CEP120: variants seen among roughly 807,000 people sequenced by gnomAD.
CEP120 encodes the protein centrosomal protein of 120 kDa.
A neutral mutation model predicts 126.5 loss-of-function variants in CEP120; 113 were observed. The observed-to-expected ratio is 0.89, with a 90% confidence interval of 0.77 to 1.04. The LOEUF is 1.04. CEP120 is among the 50% of genes least tolerant of loss of function. The probability of loss-of-function intolerance (pLI) is 0.00; values close to 1 mark genes in which losing one functional copy is unlikely to be tolerated. For missense variants in CEP120, 1,230 were observed against 1,155.7 expected (o/e 1.06, Z -0.93); for synonymous variants, 400 against 394.3 (o/e 1.01, Z -0.17).
intron 17 of CEP120, among the ~76,000 whole-genome samples, chr5:123,367,128 G>C (rs868070415): frequency 2.6e-5 from 4 of 151,636 alleles, no homozygotes; most frequent in African/African-American, 9.7e-5. Context: ...ATTACTTTAC[G>C]AACTCTTTAA....
At chr5:123,402,094 T>G in intron 4 of CEP120, 5 of 1,569,508 alleles carry the variant, frequency 3.2e-6, no homozygotes, top group Non-Finnish European at 4.4e-6. Flanking sequence ...ACAGCCTGGA[T>G]GTCGGGGTCC....
intron 4 of CEP120, among the ~76,000 whole-genome samples, chr5:123,410,352 AT>A (rs1773971103): frequency 6.6e-6 from 1 of 152,224 alleles, no homozygotes; most frequent in South Asian, 2.1e-4. Context: ...TTAAGTTTAT[AT>A]GGAGAAGCAA....
intron 18 of CEP120, among the ~76,000 whole-genome samples, chr5:123,354,750 T>C (rs1769450186): frequency 6.7e-6 from 1 of 148,674 alleles, no homozygotes; most frequent in South Asian, 2.1e-4. Flanking sequence ...TATATTTTCC[T>C]TCTGTTAGAA....
At chr5:123,414,390 T>C (rs1289125028) in intron 3 of CEP120, among the ~76,000 whole-genome samples, 2 of 152,234 alleles carry the variant, frequency 1.3e-5, no homozygotes, top group East Asian at 3.8e-4. Flanking sequence ...TTTTTAAATT[T>C]CAGTTTCTTT....
intron 1 of CEP120, among the ~76,000 whole-genome samples, chr5:123,419,075 C>T (rs139264211): frequency 1.3e-3 from 205 of 152,298 alleles, no homozygotes; most frequent in African/African-American, 4.5e-3. Flanking sequence ...CCTAGGGACC[C>T]TGTTAAAATG....
chr5:123,419,505 C>T (rs991530749), intron 1 of CEP120, among the ~76,000 whole-genome samples: 1 of 149,196 alleles, frequency 6.7e-6, no homozygotes, highest in Non-Finnish European at 1.5e-5. Flanking sequence ...GCACTCCAGC[C>T]TGGGCAACAG....
chr5:123,415,174 G>A (rs770680311), intron 3 of CEP120, among the ~76,000 whole-genome samples: 1 of 152,076 alleles, frequency 6.6e-6, no homozygotes, highest in African/African-American at 2.4e-5. Context: ...CAAGGAGCAG[G>A]AAGCAGGGAG....
rs572998346 is a variant in CEP120 at position 123,422,334 on chromosome 5, T to C, written c.49+616A>G. ...TTAGGGTCTTCCACATCCTGATGAA[T>C]TATTTGCTGACACACTCTCCTTGCT... On this transcript the variant is annotated intron_variant, in intron 1 of 19. Coordinates refer to ENST00000306467, the MANE Select transcript of CEP120 (RefSeq NM_001375405.1). 4.9e-6 allele frequency: 3 copies of C among 617,574 alleles called. No homozygotes were observed. In the East Asian group the frequency reaches 8.5e-5, roughly 18 times the overall value. 38.3% of individuals were successfully genotyped at this position (617,574 alleles called of 1,614,324 possible).
intron 5 of CEP120, among the ~76,000 whole-genome samples, chr5:123,394,943 A>G (rs553129659): frequency 1.3e-5 from 2 of 152,352 alleles, no homozygotes; most frequent in East Asian, 3.9e-4. Flanking sequence ...TGGAAGGATT[A>G]AAAGAGATAC....
At chr5:123,363,577 C>T (rs1172820427) in intron 18 of CEP120, among the ~76,000 whole-genome samples, 1 of 151,432 alleles carries the variant, frequency 6.6e-6, no homozygotes, top group Non-Finnish European at 1.5e-5. Flanking sequence ...TATATATCTA[C>T]CTGTCTTCAT....
At chr5:123,354,777 T>G in intron 18 of CEP120, among the ~76,000 whole-genome samples, 1 of 12,902 alleles carries the variant, frequency 7.8e-5, no homozygotes, top group African/African-American at 3.7e-4. Context: ...CATCCTATGT[T>G]TTTTTTTTAA....
chr5:123,414,475 T>C lies in CEP120; in HGVS notation c.321+1535A>G, dbSNP rs536824959. Among the ~76,000 whole-genome samples, 407 of 152,270 alleles carry C rather than the reference T, an allele frequency of 2.7e-3. 3 individuals carry two copies. Among genetic ancestry groups the C allele is most frequent in the African/African-American group, 9.5e-3 (393 of 41,550 alleles). On this transcript the variant is annotated intron_variant, in intron 3 of 19. Coordinates refer to ENST00000306467, the MANE Select transcript of CEP120 (RefSeq NM_001375405.1). Reference sequence around the variant, plus strand: ...TTGCTATCAGCAGCAAAAATATTAGTAAAAGATAAGTTTTTCTTCACAGAA... The same window carrying C: ...TTGCTATCAGCAGCAAAAATATTAGCAAAAGATAAGTTTTTCTTCACAGAA...
rs765358238 is a variant in CEP120 at position 123,383,056 on chromosome 5, G to C, written c.1790C>G (p.Ser597Cys). 3.2e-6 allele frequency: 5 copies of C among 1,550,380 alleles called. No individual in the cohort carries two copies. Among genetic ancestry groups the C allele is most frequent in the Non-Finnish European group, 4.4e-6 (5 of 1,126,102 alleles). The change falls in exon 12 of 20, where the codon TCT (serine) becomes TGT (cysteine). Residue 597 changes from serine to cysteine, a missense_variant. Ser to Cys is a moderately radical substitution (Grantham distance 112, BLOSUM62 -1). Coordinates refer to ENST00000306467, the MANE Select transcript of CEP120 (RefSeq NM_001375405.1). ...ATAATCTTCTAGAGTCACTGTGTAA[G>C]AAAGATCTGCTATCCTGTTATTTGA... ...QGSNNRIADL[S>C]YTVTLEDYGL...
chr5:123,377,627 G>A (rs946450359), intron 15 of CEP120, 92 bp from the exon 16 acceptor site: 5 of 951,964 alleles, frequency 5.3e-6, no homozygotes, highest in African/African-American at 3.4e-5. Flanking sequence ...CTCAAATGTT[G>A]AGGATATTTA....
rs1006681563 is a variant in CEP120, at chr5:123,391,399, T to C, written c.811-62A>G. 6 of 1,260,872 alleles carry C rather than the reference T, an allele frequency of 4.8e-6. No homozygotes were observed. In the East Asian group the frequency reaches 1.2e-4, roughly 24 times the overall value. The allele number at this position is 1,260,872 out of a possible 1,614,324, so 78.1% of individuals were successfully genotyped here. On this transcript the variant is annotated intron_variant, in intron 6 of 19. Coordinates refer to ENST00000306467, the MANE Select transcript of CEP120 (RefSeq NM_001375405.1). ...ACTTTCTCCTTTCTCCTAAATATCATAAACTTAATAAGAAGTTGTAAAATG... is the reference window on the plus strand; with the variant it reads ...ACTTTCTCCTTTCTCCTAAATATCACAAACTTAATAAGAAGTTGTAAAATG...
intron 18 of CEP120, among the ~76,000 whole-genome samples, chr5:123,356,699 A>T (rs1289188398): frequency 6.6e-6 from 1 of 152,046 alleles, no homozygotes; most frequent in Non-Finnish European, 1.5e-5. Flanking sequence ...CAATTAACAG[A>T]ACCTAATTAG....
At chr5:123,370,984 AG>A (rs1770814025) in intron 17 of CEP120, among the ~76,000 whole-genome samples, 1 of 151,840 alleles carries the variant, frequency 6.6e-6, no homozygotes, top group Non-Finnish European at 1.5e-5. Context: ...CAAACTTGGG[AG>A]TAATATTTGA....
chr5:123,398,140 T>C (rs1481814905), intron 5 of CEP120, among the ~76,000 whole-genome samples: 5 of 152,244 alleles, frequency 3.3e-5, no homozygotes, highest in South Asian at 4.1e-4. Context: ...TTATAAACCA[T>C]ATTATCTATT....
chr5:123,361,696 A>G (rs376369401), intron 18 of CEP120, among the ~76,000 whole-genome samples: 6 of 151,888 alleles, frequency 4.0e-5, no homozygotes, highest in African/African-American at 1.2e-4. Flanking sequence ...CTGTTCATCA[A>G]TATCGAAAGC....
Sources: allele counts gnomAD v4.1 joint callset (sites outside exome capture counted in the v4.1 genomes callset), GRCh38; gene constraint gnomAD v4.1.1; transcripts MANE v1.5; gene names NCBI Gene and HGNC (gene_info 2026-07-23, HGNC 2026-07-21).